KLRG1: variants seen among roughly 807,000 people sequenced by gnomAD.
The protein encoded by KLRG1 is killer cell lectin like receptor G1.
A neutral mutation model predicts 21.8 loss-of-function variants in KLRG1; 16 were observed. The ratio of observed to expected loss-of-function variants is 0.73; its 90% CI spans 0.50 to 1.11. The LOEUF (loss-of-function observed/expected upper bound fraction) is 1.11, where lower values mean the gene tolerates loss of function less well. Among genes scored for constraint, KLRG1 ranks in the 50% most tolerant of loss-of-function variants. The probability of loss-of-function intolerance (pLI) is 0.00; values close to 1 mark genes in which losing one functional copy is unlikely to be tolerated. For missense variants in KLRG1, 173 were observed against 218.3 expected, an observed-to-expected ratio of 0.79 and a Z score of 1.31; for synonymous variants, 69 against 75.9, an observed-to-expected ratio of 0.91 and a Z score of 0.47.
intron 3 of KLRG1, among the ~76,000 whole-genome samples, chr12:9,000,916 A>G (rs138068883): frequency 1.3e-5 from 2 of 152,330 alleles, no homozygotes; most frequent in Non-Finnish European, 2.9e-5. Context: ...GACTTTTAGC[A>G]TTGTGTACTT....
the KLRG1 span, chr12:9,101,037 C>T: frequency 2.0e-6 from 2 of 1,017,098 alleles, no homozygotes; most frequent in East Asian, 5.3e-5. Context: ...ACCACCTGTT[C>T]CCCCAAAAAC....
At chr12:9,131,849 G>T in the KLRG1 span, among the ~76,000 whole-genome samples, 1 of 151,750 alleles carries the variant, frequency 6.6e-6, no homozygotes, top group Non-Finnish European at 1.5e-5. Context: ...CACAAAAAAT[G>T]AGAAGATATT....
chr12:8,999,444 C>T (rs751476685), intron 3 of KLRG1, among the ~76,000 whole-genome samples: 1 of 152,336 alleles, frequency 6.6e-6, no homozygotes, highest in Non-Finnish European at 1.5e-5. Context: ...AACAACCTCT[C>T]ATTCAACTTT....
chr12:9,206,510 G>A, the KLRG1 span, among the ~76,000 whole-genome samples: 1 of 152,192 alleles, frequency 6.6e-6, no homozygotes, highest in South Asian at 2.1e-4. Context: ...TTAAATATTT[G>A]CCTCTTTAGC....
At chr12:9,166,012 C>A in the KLRG1 span, 1 of 1,568,900 alleles carries the variant, frequency 6.4e-7, no homozygotes, top group Non-Finnish European at 8.6e-7. Context: ...GAACCACATT[C>A]CCTCCCCTCC....
the KLRG1 span, chr12:9,072,240 T>C: frequency 3.4e-6 from 4 of 1,169,412 alleles, no homozygotes; most frequent in African/African-American, 4.7e-5. Flanking sequence ...AGAGAATACA[T>C]TGCATTTTTT....
intron 1 of KLRG1, among the ~76,000 whole-genome samples, chr12:8,976,517 A>AT (rs1277212935): frequency 2.0e-5 from 3 of 151,842 alleles, no homozygotes; most frequent in South Asian, 2.1e-4. Context: ...TTTTTAATTG[A>AT]TTTTTTGTCC....
chr12:9,185,954 T>C, the KLRG1 span, among the ~76,000 whole-genome samples: 1 of 151,618 alleles, frequency 6.6e-6, no homozygotes, highest in Non-Finnish European at 1.5e-5. Flanking sequence ...ACTACAGGCG[T>C]GCACCATCAC....
chr12:8,968,915 CATT>C (rs1305641810), intron 1 of KLRG1, among the ~76,000 whole-genome samples: 3 of 152,248 alleles, frequency 2.0e-5, no homozygotes, highest in African/African-American at 4.8e-5. Flanking sequence ...AAAATGAAAA[CATT>C]ATCATCATCA....
chr12:8,954,611 A>G (rs1384146331), intron 1 of KLRG1, among the ~76,000 whole-genome samples: 2 of 152,040 alleles, frequency 1.3e-5, no homozygotes, highest in African/African-American at 4.8e-5. Context: ...TGGTTCTTTT[A>G]GTGGAAAATG....
At chr12:9,077,431 G>A in the KLRG1 span, 41 of 1,606,612 alleles carry the variant, frequency 2.6e-5, no homozygotes, top group African/African-American at 8.0e-5. Flanking sequence ...CTGTGAATAC[G>A]AGAGAGAGAT....
chr12:9,187,046 C>A, the KLRG1 span, among the ~76,000 whole-genome samples: 1 of 129,738 alleles, frequency 7.7e-6, no homozygotes, highest in Admixed American at 8.1e-5. Flanking sequence ...ATACTAATTT[C>A]AGACAAAACA....
chr12:9,028,016 G>A, the KLRG1 span: 15 of 1,202,298 alleles, frequency 1.2e-5, no homozygotes, highest in Admixed American at 1.7e-5. Context: ...TCTTATCCAC[G>A]GAGTCATGGT....
At chr12:9,174,494 A>G in the KLRG1 span, among the ~76,000 whole-genome samples, 207 of 152,366 alleles carry the variant, frequency 1.4e-3, no homozygotes, top group Non-Finnish European at 2.8e-3. Context: ...AGAGAAATAA[A>G]TAAAGTGTAT....
chr12:8,954,929 T>A (rs1946263775), intron 1 of KLRG1, among the ~76,000 whole-genome samples: 1 of 152,156 alleles, frequency 6.6e-6, no homozygotes, highest in Non-Finnish European at 1.5e-5. Context: ...TTTTTCTTTT[T>A]TTTTTGAGGC....
At chr12:9,005,231 A>C (rs895097841) in intron 3 of KLRG1, among the ~76,000 whole-genome samples, 1 of 152,128 alleles carries the variant, frequency 6.6e-6, no homozygotes, top group Non-Finnish European at 1.5e-5. Context: ...GAGGGATAGC[A>C]CTAAGAGAAA....
At chr12:8,977,906 TGGAG>T in intron 1 of KLRG1, among the ~76,000 whole-genome samples, 1 of 152,122 alleles carries the variant, frequency 6.6e-6, no homozygotes, top group South Asian at 2.1e-4. Flanking sequence ...TTGCCCAGGC[TGGAG>T]TGCAGTAGCC....
At chr12:9,208,460 C>A in the KLRG1 span, 20 of 719,654 alleles carry the variant, frequency 2.8e-5, no homozygotes, top group Non-Finnish European at 4.4e-5. Flanking sequence ...CACCCCAAGG[C>A]CTCTGAATAG....
At chr12:8,963,256 C>T (rs1184858424) in intron 1 of KLRG1, among the ~76,000 whole-genome samples, 1 of 151,968 alleles carries the variant, frequency 6.6e-6, no homozygotes, top group Non-Finnish European at 1.5e-5. Context: ...AAACAGGCCA[C>T]TAAAAGATAT....
Sources: allele counts gnomAD v4.1 joint callset (sites outside exome capture counted in the v4.1 genomes callset), GRCh38; gene constraint gnomAD v4.1.1; transcripts MANE v1.5; gene names NCBI Gene and HGNC (gene_info 2026-07-23, HGNC 2026-07-21).